The following BMERB1 variants were observed in gnomAD, a reference collection of about 807,000 sequenced individuals.
BMERB1 encodes the protein bMERB domain containing 1, also known as bMERB domain-containing protein 1.
In BMERB1, 12 loss-of-function variants were observed where a neutral mutation model predicts 23.6. The observed-to-expected ratio is 0.51, with a 90% CI of 0.33 to 0.82. BMERB1 has a LOEUF of 0.82. Among genes scored for constraint, BMERB1 ranks in the 40% least tolerant of loss-of-function variants. BMERB1 has a pLI of 0.03. For missense variants in BMERB1, 247 were observed against 255.4 expected, an observed-to-expected ratio of 0.97 and a Z score of 0.22; for synonymous variants, 122 against 96.6, an observed-to-expected ratio of 1.26 and a Z score of -1.54.
At chr16:15,504,797 T>A (rs1237674353) in intron 1 of BMERB1, among the ~76,000 whole-genome samples, 1 of 151,734 alleles carries the variant, frequency 6.6e-6, no homozygotes, top group African/African-American at 2.4e-5. Context: ...AAAGTATATT[T>A]AAAAACCCAA....
intron 4 of BMERB1, among the ~76,000 whole-genome samples, chr16:15,581,853 TAAATGTTGA>T (rs1455671532): frequency 1.3e-5 from 2 of 152,212 alleles, no homozygotes; most frequent in East Asian, 3.8e-4. Context: ...AAACATGTTG[TAAATGTTGA>T]AAATGTGGAA....
At chr16:15,554,698 G>A (rs556082380) in intron 2 of BMERB1, among the ~76,000 whole-genome samples, 30 of 147,608 alleles carry the variant, frequency 2.0e-4, no homozygotes, top group African/African-American at 4.5e-4. Context: ...ATGGTGTCTC[G>A]CTCTGTCGCC....
intron 2 of BMERB1, among the ~76,000 whole-genome samples, chr16:15,553,314 G>A (rs148480214): frequency 4.2e-4 from 64 of 152,200 alleles, no homozygotes; most frequent in East Asian, 2.7e-3. Flanking sequence ...GGCCCAAAAC[G>A]TTTTTTTAAA....
intron 2 of BMERB1, among the ~76,000 whole-genome samples, chr16:15,537,602 C>T (rs1374518948): frequency 6.6e-6 from 1 of 151,848 alleles, no homozygotes; most frequent in African/African-American, 2.4e-5. Flanking sequence ...GATCCACCCA[C>T]CTCGGCCTCC....
chr16:15,549,988 C>T (rs2030038422), intron 2 of BMERB1, among the ~76,000 whole-genome samples: 2 of 151,574 alleles, frequency 1.3e-5, no homozygotes, highest in African/African-American at 2.4e-5. Flanking sequence ...CTTGCTCTGT[C>T]GCCCAGGCTG....
intron 5 of BMERB1, among the ~76,000 whole-genome samples, chr16:15,584,616 C>G: frequency 6.6e-6 from 1 of 151,270 alleles, no homozygotes; most frequent in East Asian, 1.9e-4. Context: ...CTGGTCTAAG[C>G]AAAAAAAGGA....
intron 2 of BMERB1, among the ~76,000 whole-genome samples, chr16:15,553,002 C>T (rs1290599793): frequency 6.6e-6 from 1 of 152,078 alleles, no homozygotes; most frequent in East Asian, 2.0e-4. Flanking sequence ...AGTGAGACCC[C>T]CATCTCTACC....
chr16:15,518,577 C>G (rs1234481071), intron 2 of BMERB1, among the ~76,000 whole-genome samples: 2 of 152,220 alleles, frequency 1.3e-5, no homozygotes, highest in East Asian at 3.9e-4. Flanking sequence ...TGAGCCAAGG[C>G]CCTGCTTGAA....
chr16:15,468,138 T>C (rs1734470), intron 1 of BMERB1, among the ~76,000 whole-genome samples: 1,836 of 11,816 alleles, frequency 0.16, 30 homozygotes, highest in South Asian at 0.23. Context: ...TCTTCTTCTT[T>C]TTTTTTTTTT....
intron 5 of BMERB1, 32 bp downstream of exon 5, chr16:15,583,270 C>G (rs767597819): frequency 2.5e-5 from 37 of 1,509,824 alleles, no homozygotes; most frequent in South Asian, 3.4e-5. Context: ...TCCCCTCCCC[C>G]ACAAAAGAGA....
chr16:15,551,764 G>A (rs963989516), intron 2 of BMERB1, among the ~76,000 whole-genome samples: 2 of 152,202 alleles, frequency 1.3e-5, no homozygotes, highest in Admixed American at 6.5e-5. Context: ...GGAGGCCTCA[G>A]GAAACTTGCA....
intron 1 of BMERB1, among the ~76,000 whole-genome samples, chr16:15,474,816 G>T (rs1014691635): frequency 6.6e-6 from 1 of 151,982 alleles, no homozygotes; most frequent in African/African-American, 2.4e-5. Context: ...AGCCTCCCTA[G>T]TAGCTGGGAT....
chr16:15,534,194 C>T (rs891768817), intron 2 of BMERB1, among the ~76,000 whole-genome samples: 2 of 149,234 alleles, frequency 1.3e-5, no homozygotes, highest in Admixed American at 6.8e-5. Context: ...CAGTGACAAT[C>T]GTCTCCTGGC....
intron 1 of BMERB1, among the ~76,000 whole-genome samples, chr16:15,452,155 C>T (rs1406770397): frequency 6.6e-6 from 1 of 151,730 alleles, no homozygotes; most frequent in East Asian, 2.0e-4. Context: ...GGGGCGTGCA[C>T]CTGTAGTCCT....
intron 2 of BMERB1, among the ~76,000 whole-genome samples, chr16:15,567,231 A>AATC (rs376971382): frequency 4.5e-5 from 1 of 22,334 alleles, no homozygotes; most frequent in African/African-American, 7.6e-4. Flanking sequence ...TCAAAATAAA[A>AATC]ATGTTTTTAA....
intron 1 of BMERB1, among the ~76,000 whole-genome samples, chr16:15,455,940 T>G (rs755919152): frequency 7.2e-5 from 11 of 152,230 alleles, no homozygotes; most frequent in Non-Finnish European, 1.5e-4. Context: ...TGACAATTTG[T>G]GGCTTATCAG....
intron 2 of BMERB1, among the ~76,000 whole-genome samples, chr16:15,532,836 C>T (rs528178488): frequency 1.5e-4 from 23 of 152,186 alleles, no homozygotes; most frequent in African/African-American, 4.8e-4. Context: ...TGAGCCACCG[C>T]GCCTGGCCAG....
chr16:15,555,690 A>G (rs550707223), intron 2 of BMERB1, among the ~76,000 whole-genome samples: 184 of 152,216 alleles, frequency 1.2e-3, no homozygotes, highest in Non-Finnish European at 1.1e-3. Context: ...TTCCCTTCCT[A>G]TGTACACTGG....
intron 1 of BMERB1, among the ~76,000 whole-genome samples, chr16:15,491,562 A>G (rs1286113375): frequency 6.6e-6 from 1 of 152,184 alleles, no homozygotes; most frequent in East Asian, 1.9e-4. Context: ...AGTGTGGCCT[A>G]TAGGCCGGGC....
Sources: allele counts gnomAD v4.1 joint callset (sites outside exome capture counted in the v4.1 genomes callset), GRCh38; gene constraint gnomAD v4.1.1; transcripts MANE v1.5; gene names NCBI Gene and HGNC (gene_info 2026-07-23, HGNC 2026-07-21).